The following RNF157 variants were observed in gnomAD, a reference collection of about 807,000 sequenced individuals.
The protein encoded by RNF157 is ring finger protein 157, also known as E3 ubiquitin ligase RNF157.
RNF157 carries 55 observed loss-of-function variants against 88.3 expected under a neutral mutation model. That is an observed-to-expected ratio of 0.62 (90% confidence interval 0.50 to 0.78). The LOEUF (loss-of-function observed/expected upper bound fraction) is 0.78. Ranked by LOEUF, RNF157 falls within the 30% of genes least tolerant of loss-of-function variation. The pLI is 0.00. For synonymous variants in RNF157, 334 were observed against 341.2 expected (o/e 0.98, Z 0.23); for missense variants, 788 against 860.8 (o/e 0.92, Z 1.06).
intron 3 of RNF157, among the ~76,000 whole-genome samples, chr17:76,168,967 C>G (rs998027471): frequency 3.3e-5 from 5 of 152,222 alleles, no homozygotes; most frequent in African/African-American, 1.2e-4. Context: ...GTTGATCCTT[C>G]TTCTTCTGAA....
rs573174691 is a variant in RNF157 at position 76,146,086 on chromosome 17, C to T, written c.1922-733G>A. On this transcript the variant is annotated intron_variant, in intron 18 of 18. Transcript: ENST00000269391. This position sits in a 1 kb window ranked among gnomAD's most constrained non-coding sequence, Gnocchi z 4.2. The stretch of plus-strand genomic sequence containing the variant: ...AGGAGTGCCAGCGCCTGTCTGGAAA[C>T]CCATTCTTGGTGCTTCTCTTTCCCT... Among the ~76,000 whole-genome samples, 1 of 152,274 alleles carries T rather than the reference C, an allele frequency of 6.6e-6. No homozygotes were observed. Among genetic ancestry groups the T allele is most frequent in the East Asian group, 1.9e-4 (1 of 5,184 alleles).
At chr17:76,158,283 G>T in intron 13 of RNF157, 110 bp downstream of exon 13, 1 of 753,168 alleles carries the variant, frequency 1.3e-6, no homozygotes. Context: ...AGAGGGTGCT[G>T]ACAAGGTGTT....
intron 17 of RNF157, 182 bp from the exon 18 acceptor site, chr17:76,152,647 G>A: frequency 1.8e-6 from 1 of 554,600 alleles, no homozygotes; most frequent in East Asian, 3.1e-5. Context: ...GCATGTCTGT[G>A]TTCTCGCGCT....
chr17:76,230,848 A>G (rs2070174655), intron 1 of RNF157, among the ~76,000 whole-genome samples: 1 of 114,946 alleles, frequency 8.7e-6, no homozygotes, highest in East Asian at 2.5e-4. Flanking sequence ...AAAAAAAAAA[A>G]AAAAAAAAAA....
In RNF157 at chr17:76,176,686, C is replaced by T. The variant is rs1417717374; in HGVS notation, c.208-2896G>A. ...CACCCCATGGGGCTGGCCGGGTTAC[C>T]CACCAGCAGAGGAGCAGCGTGGCAG... On this transcript the variant is annotated intron_variant, in intron 2 of 18. Coordinates refer to ENST00000269391, the MANE Select transcript of RNF157 (RefSeq NM_052916.3). The surrounding 1 kb of genome is among the most constrained non-coding windows in gnomAD (Gnocchi z 4.2). Among the ~76,000 whole-genome samples the T allele has an allele frequency of 2.6e-5, 4 of 152,296 alleles. No individual in the cohort carries two copies. In the East Asian group the frequency reaches 7.7e-4, roughly 30 times the overall value.
chr17:76,232,830 T>C (rs1263935407), intron 1 of RNF157, among the ~76,000 whole-genome samples: 1 of 152,236 alleles, frequency 6.6e-6, no homozygotes, highest in Non-Finnish European at 1.5e-5. Context: ...GTTTTAATTA[T>C]ATTTCCCTAA....
chr17:76,165,564 C>T lies in RNF157; in HGVS notation c.629-19G>A, dbSNP rs780475505. The T allele has an allele frequency of 1.5e-4, 240 of 1,613,960 alleles. No individual in the cohort carries two copies. Among genetic ancestry groups the T allele is most frequent in the Non-Finnish European group, 1.9e-4 (222 of 1,179,936 alleles). On this transcript the variant is annotated intron_variant, in intron 6 of 18. Transcript: ENST00000269391. ...AAATACTCTGAAAGAAACAAAGGCACGTGAGTGAAGAAGCCCAAACAGCAC... is the reference window on the plus strand; with the variant it reads ...AAATACTCTGAAAGAAACAAAGGCATGTGAGTGAAGAAGCCCAAACAGCAC...
intron 2 of RNF157, among the ~76,000 whole-genome samples, chr17:76,187,809 G>C (rs763208297): frequency 6.6e-6 from 1 of 152,084 alleles, no homozygotes; most frequent in Admixed American, 6.5e-5. Flanking sequence ...TGTTGGTCAG[G>C]CTGCTCTTGA....
At chr17:76,185,390 C>T (rs576707790) in intron 2 of RNF157, among the ~76,000 whole-genome samples, 2 of 152,176 alleles carry the variant, frequency 1.3e-5, no homozygotes, top group South Asian at 2.1e-4. Context: ...AGGAGAAAAG[C>T]GTGCTCTTAA....
rs1555660847 is a variant in RNF157 at position 76,210,597 on chromosome 17, A to AAAAAAAG, written c.207+1766_207+1767insCTTTTTT. On this transcript the variant is annotated intron_variant, in intron 2 of 18. Coordinates refer to ENST00000269391, the MANE Select transcript of RNF157 (RefSeq NM_052916.3). ...AGAGCCAGACTCCGTCCAAAAAAAA[A>AAAAAAAG]AAAAAAAGAAAGAAAGAAAGAAAGA... is the stretch of plus-strand genomic sequence containing the variant. 1.4e-5 allele frequency among the ~76,000 whole-genome samples: 2 copies of AAAAAAAG among 146,508 alleles called. 1 individual carries two copies. Among genetic ancestry groups the AAAAAAAG allele is most frequent in the Non-Finnish European group, 3.1e-5 (2 of 65,086 alleles).
intron 1 of RNF157, among the ~76,000 whole-genome samples, chr17:76,217,587 C>G (rs1355727995): frequency 2.6e-5 from 4 of 152,020 alleles, no homozygotes; most frequent in Non-Finnish European, 4.4e-5. Flanking sequence ...GACTTTTAGA[C>G]AGCTTATGCA....
At chr17:76,145,679 T>C (rs2068574433) in intron 18 of RNF157, 1 of 265,320 alleles carries the variant, frequency 3.8e-6, no homozygotes, top group African/African-American at 2.2e-5. Flanking sequence ...TTTTAAAGTT[T>C]GCCTATATGT....
At chr17:76,216,379 T>A (rs1009705046) in intron 1 of RNF157, among the ~76,000 whole-genome samples, 12 of 152,180 alleles carry the variant, frequency 7.9e-5, no homozygotes, top group Non-Finnish European at 1.8e-4. Flanking sequence ...AATGCCCTTT[T>A]ATGCCATAAT....
intron 18 of RNF157, among the ~76,000 whole-genome samples, chr17:76,150,139 A>AT (rs34706600): frequency 1.3e-5 from 2 of 151,778 alleles, no homozygotes; most frequent in Non-Finnish European, 2.9e-5. Context: ...TCTCACACAT[A>AT]TTTTTTTTCT....
At chr17:76,222,431 T>C (rs1367431629) in intron 1 of RNF157, among the ~76,000 whole-genome samples, 1 of 152,148 alleles carries the variant, frequency 6.6e-6, no homozygotes, top group Admixed American at 6.6e-5. Flanking sequence ...GTCGTTCACT[T>C]TAAGATAATT....
At chr17:76,181,643 C>T (rs1893949222) in intron 2 of RNF157, among the ~76,000 whole-genome samples, 1 of 152,124 alleles carries the variant, frequency 6.6e-6, no homozygotes, top group Admixed American at 6.6e-5. Context: ...GGTGCGGTGG[C>T]TCACATCTAA....
chr17:76,196,605 C>T (rs1012283851), intron 2 of RNF157, among the ~76,000 whole-genome samples: 2 of 152,094 alleles, frequency 1.3e-5, no homozygotes, highest in African/African-American at 2.4e-5. Context: ...AAGCAAGGGC[C>T]GAAGTATGTA....
chr17:76,222,727 G>T (rs961357649), intron 1 of RNF157, among the ~76,000 whole-genome samples: 2 of 152,102 alleles, frequency 1.3e-5, no homozygotes, highest in Admixed American at 1.3e-4. Flanking sequence ...GGTTTGAACC[G>T]AAGGTCTGGC....
chr17:76,162,799 A>T (rs2068864227), intron 8 of RNF157, 176 bp from the exon 9 acceptor site: 1 of 502,882 alleles, frequency 2.0e-6, no homozygotes. Context: ...TTTCTCTTTG[A>T]GAGAAGAAAG....
Sources: allele counts gnomAD v4.1 joint callset (sites outside exome capture counted in the v4.1 genomes callset), GRCh38; gene constraint gnomAD v4.1.1; non-coding constraint Gnocchi (gnomAD v3.1); transcripts MANE v1.5; gene names NCBI Gene and HGNC (gene_info 2026-07-23, HGNC 2026-07-21).